GLS: variants seen among roughly 807,000 people sequenced by gnomAD.
GLS encodes the protein glutaminase.
A neutral mutation model predicts 86.7 loss-of-function variants in GLS; 36 were observed. The ratio of observed to expected loss-of-function variants is 0.42; its 90% CI spans 0.32 to 0.55. The LOEUF (loss-of-function observed/expected upper bound fraction) is 0.55, where lower values mean the gene tolerates loss of function less well. GLS is among the 20% of genes least tolerant of loss of function. The pLI, the probability that GLS is intolerant of heterozygous loss-of-function variation, is 0.17. For missense variants in GLS, 528 were observed against 833.4 expected, an observed-to-expected ratio of 0.63 and a Z score of 4.51; for synonymous variants, 317 against 305.9, an observed-to-expected ratio of 1.04 and a Z score of -0.38.
At chr2:190,952,744 T>G (rs1333546860) in intron 14 of GLS, among the ~76,000 whole-genome samples, 1 of 152,136 alleles carries the variant, frequency 6.6e-6, no homozygotes, top group Admixed American at 6.6e-5. Flanking sequence ...TAAGACAAAA[T>G]GGGGAATTTA....
rs34419675 is a variant in GLS, at chr2:190,912,346, C to CTTTTT, written c.1038+2040_1038+2044dup. 1.2e-3 allele frequency among the ~76,000 whole-genome samples: 152 copies of CTTTTT among 122,428 alleles called. 1 individual carries two copies. Among genetic ancestry groups the CTTTTT allele is most frequent in the Non-Finnish European group, 2.1e-3 (125 of 59,708 alleles). The allele number at this position is 122,428 out of a possible 152,430, so 80.3% of individuals were successfully genotyped here. On this transcript the variant is annotated intron_variant, in intron 7 of 17. Coordinates refer to ENST00000320717, the MANE Select transcript of GLS (RefSeq NM_014905.5). ...GTTTTTAGCATGTGTTTCACAAGTG[C>CTTTTT]TTTTTTTTTTTTTTTTTTTATGAAG... is the stretch of plus-strand genomic sequence containing the variant.
In GLS at chr2:190,920,468, T is replaced by C. The variant is rs191538357; in HGVS notation, c.1039-556T>C. Among the ~76,000 whole-genome samples, 2 of 151,968 alleles carry C rather than the reference T, an allele frequency of 1.3e-5. No homozygotes were observed. The highest frequency in any genetic ancestry group is 1.3e-4 in the Admixed American group (2 of 15,270). Reference sequence around the variant, plus strand: ...GTATATTATAGCAAGTGAGAGCTATTAAGAATAGAGCTTTCTCTGCAGTAG... The same window carrying C: ...GTATATTATAGCAAGTGAGAGCTATCAAGAATAGAGCTTTCTCTGCAGTAG... On this transcript the variant is annotated intron_variant, in intron 7 of 17. Transcript: ENST00000320717. The surrounding 1 kb of genome is among the most constrained non-coding windows in gnomAD (Gnocchi z 4.2).
chr2:190,933,663 T>C (rs1044452653), intron 14 of GLS: 4 of 956,572 alleles, frequency 4.2e-6, no homozygotes, highest in Non-Finnish European at 5.0e-6. Context: ...AGTGAATTGT[T>C]CACCTAAACA....
At chr2:190,891,305 A>C (rs972397958) in intron 1 of GLS, among the ~76,000 whole-genome samples, 1 of 152,152 alleles carries the variant, frequency 6.6e-6, no homozygotes, top group Non-Finnish European at 1.5e-5. Flanking sequence ...ATTGCTTGGC[A>C]TATAATAAGT....
intron 14 of GLS, among the ~76,000 whole-genome samples, chr2:190,941,287 A>G (rs1690420301): frequency 6.6e-6 from 1 of 152,126 alleles, no homozygotes; most frequent in East Asian, 1.9e-4. Flanking sequence ...TTCATTTTAA[A>G]TGTTACAAAA....
At chr2:190,912,154 A>G (rs750688519) in intron 7 of GLS, among the ~76,000 whole-genome samples, 3 of 152,146 alleles carry the variant, frequency 2.0e-5, no homozygotes, top group South Asian at 2.1e-4. Flanking sequence ...TACATACAAC[A>G]TAAGTGTGGT....
intron 11 of GLS, among the ~76,000 whole-genome samples, chr2:190,925,374 G>C (rs1225102096): frequency 6.6e-6 from 1 of 152,126 alleles, no homozygotes; most frequent in Admixed American, 6.6e-5. Context: ...GGGCTTTCTT[G>C]TAAGTTAGAG....
chr2:190,906,896 C>G (rs537684570), intron 6 of GLS, among the ~76,000 whole-genome samples: 3 of 150,320 alleles, frequency 2.0e-5, no homozygotes, highest in Admixed American at 6.6e-5. Context: ...TTTATTAAGA[C>G]TAATAGGGAT....
chr2:190,890,858 T>C lies in GLS; in HGVS notation c.387-4294T>C, dbSNP rs565459995. 9.9e-5 allele frequency among the ~76,000 whole-genome samples: 15 copies of C among 152,266 alleles called. No individual in the cohort carries two copies. The South Asian group carries it at 3.1e-3, about 32-fold the overall frequency. On this transcript the variant is annotated intron_variant, in intron 1 of 17. Coordinates refer to ENST00000320717, the MANE Select transcript of GLS (RefSeq NM_014905.5). ...TCATTGTCTCATAGGTTTACCATAC[T>C]ATACTATGTGTTTTAAGAGTTATGC...
intron 6 of GLS, among the ~76,000 whole-genome samples, chr2:190,906,076 T>C (rs1448485030): frequency 6.6e-6 from 1 of 152,178 alleles, no homozygotes; most frequent in Non-Finnish European, 1.5e-5. Flanking sequence ...TTACATTTTC[T>C]TTCCCATTTT....
chr2:190,960,823 T>C (rs1690983730), intron 17 of GLS, among the ~76,000 whole-genome samples: 1 of 152,182 alleles, frequency 6.6e-6, no homozygotes, highest in African/African-American at 2.4e-5. Flanking sequence ...ATTCCTATAG[T>C]TGTAAAAAAG....
At chr2:190,899,040 G>A (rs1688851000) in intron 3 of GLS, among the ~76,000 whole-genome samples, 1 of 152,150 alleles carries the variant, frequency 6.6e-6, no homozygotes. Flanking sequence ...TGAAAAATGA[G>A]GAAGTGCATT....
intron 5 of GLS, among the ~76,000 whole-genome samples, chr2:190,903,772 A>G (rs908576659): frequency 6.6e-6 from 1 of 152,186 alleles, no homozygotes; most frequent in Admixed American, 6.5e-5. Flanking sequence ...TGAAGTAACA[A>G]TCTTATATAG....
At chr2:190,925,102 C>T (rs1038259266) in intron 11 of GLS, among the ~76,000 whole-genome samples, 2 of 152,158 alleles carry the variant, frequency 1.3e-5, no homozygotes, top group African/African-American at 4.8e-5. Flanking sequence ...TTTCTGTAAA[C>T]ATATTTAAGA....
intron 5 of GLS, among the ~76,000 whole-genome samples, chr2:190,902,814 A>G (rs765568091): frequency 5.5e-4 from 83 of 152,276 alleles, no homozygotes; most frequent in Middle Eastern, 6.8e-3. Flanking sequence ...ATTTTTAAAG[A>G]CTTAGCTCAG....
At chr2:190,942,091 T>C (rs1428983228) in intron 14 of GLS, among the ~76,000 whole-genome samples, 3 of 115,668 alleles carry the variant, frequency 2.6e-5, no homozygotes, top group Non-Finnish European at 5.2e-5. Context: ...TTTTTTTTTT[T>C]TTTTTTGAGA....
intron 12 of GLS, among the ~76,000 whole-genome samples, chr2:190,928,892 GTTTTTTTTTTTTT>G (rs367999647): frequency 7.8e-5 from 1 of 12,822 alleles, no homozygotes; most frequent in East Asian, 2.1e-3. Context: ...ATTCAGGTGT[GTTTTTTTTTTTTT>G]TTTTTTTTTT....
chr2:190,929,856 T>A (rs549953515), intron 12 of GLS, among the ~76,000 whole-genome samples: 313 of 150,618 alleles, frequency 2.1e-3, no homozygotes, highest in African/African-American at 5.7e-3. Context: ...ATATATATAT[T>A]TTTTTTTTCG....
chr2:190,926,761 G>T (rs1689907875), intron 11 of GLS, among the ~76,000 whole-genome samples: 1 of 152,144 alleles, frequency 6.6e-6, no homozygotes, highest in African/African-American at 2.4e-5. Context: ...ATCTGAGACA[G>T]ATCTGCTTTA....
Sources: gnomAD v4.1 joint callset for allele counts (sites outside exome capture counted in the v4.1 genomes callset) on GRCh38, gnomAD v4.1.1 for gene constraint, Gnocchi (gnomAD v3.1) non-coding constraint, MANE v1.5 for transcripts, NCBI Gene and HGNC (gene_info 2026-07-23, HGNC 2026-07-21) for gene names.